Variants in BICRA observed in about 807,000 individuals in gnomAD.
BICRA encodes BRD4-interacting chromatin-remodeling complex-associated protein.
A neutral mutation model predicts 96.9 loss-of-function variants in BICRA; 31 were observed. The observed-to-expected ratio is 0.32, with a 90% confidence interval of 0.24 to 0.43. BICRA has a LOEUF of 0.43. Ranked by LOEUF, BICRA falls within the 20% of genes least tolerant of loss-of-function variation. The pLI is 1.00. For missense variants in BICRA, 2,283 were observed against 2,190.3 expected, an observed-to-expected ratio of 1.04 and a Z score of -0.84; for synonymous variants, 1,350 against 1,071.8, an observed-to-expected ratio of 1.26 and a Z score of -5.07.
intron 1 of BICRA, among the ~76,000 whole-genome samples, chr19:47,645,340 A>G (rs1386897058): frequency 6.6e-6 from 1 of 152,168 alleles, no homozygotes; most frequent in Non-Finnish European, 1.5e-5. Context: ...GATCCAGGCT[A>G]CGCATCGCTG....
At chr19:47,666,298 T>TTTTTCTTTTTCTTC (rs1972778559) in intron 1 of BICRA, among the ~76,000 whole-genome samples, 1 of 11,766 alleles carries the variant, frequency 8.5e-5, no homozygotes, top group Non-Finnish European at 1.4e-4. Context: ...CTTTTTCTTC[T>TTTTTCTTTTTCTTC]TTTTTTTTTT....
intron 1 of BICRA, among the ~76,000 whole-genome samples, chr19:47,668,574 G>A (rs911465310): frequency 1.4e-5 from 2 of 145,236 alleles, no homozygotes; most frequent in Non-Finnish European, 3.0e-5. Context: ...TGCAAGCTCC[G>A]CCTCCTGTGT....
Position 47,681,024 on chromosome 19 carries a change from C to T in BICRA, c.1854C>T (p.Val618=). ...CTGCCACCGGGGAGGCCGCGCCTGT[C>T]CTCACGGTGCAGCCTGCCCCCCAGG... The part of the protein sequence containing the change: ...PAAATGEAAP[V]LTVQPAPQAP... The change falls in exon 6 of 15, where the codon GTC becomes GTT. Residue 618 remains valine, a synonymous_variant. Transcript: ENST00000594866. The T allele has an allele frequency of 6.9e-7, 1 of 1,442,728 alleles. No individual in the cohort carries two copies. The highest frequency in any genetic ancestry group is 9.0e-7 in the Non-Finnish European group (1 of 1,106,924). The allele number at this position is 1,442,728 out of a possible 1,614,324, so 89.4% of individuals were successfully genotyped here.
intron 7 of BICRA, among the ~76,000 whole-genome samples, chr19:47,686,433 G>C (rs1203024350): frequency 6.6e-6 from 1 of 151,880 alleles, no homozygotes; most frequent in Non-Finnish European, 1.5e-5. Flanking sequence ...GCCCAGGCTG[G>C]AGTGTAGTGG....
intron 1 of BICRA, among the ~76,000 whole-genome samples, chr19:47,647,780 G>A (rs921829454): frequency 1.3e-5 from 2 of 152,034 alleles, no homozygotes; most frequent in African/African-American, 2.4e-5. Flanking sequence ...CAAGATGTCC[G>A]CATCGTTAGT....
intron 14 of BICRA, chr19:47,700,511 G>GT (rs1223961029): frequency 2.6e-5 from 4 of 152,202 alleles, no homozygotes; most frequent in African/African-American, 9.7e-5. Flanking sequence ...ATAACCTCAT[G>GT]TAGCCGGGTG....
Position 47,612,611 on chromosome 19 carries a change from TAGGGGCTGGGGGGCTGAGGGAG to T in BICRA, c.-108+3461_-108+3482del, listed in dbSNP as rs1337971655. On this transcript the variant is annotated intron_variant, in intron 1 of 14. Transcript: ENST00000594866. The stretch of plus-strand genomic sequence containing the variant: ...CCCATGCGGAATACATGCTTAGCTG[TAGGGGCTGGGGGGCTGAGGGAG>T]AGGGGCTGGGGGGCTGACGGAGAGG... Among the ~76,000 whole-genome samples, 66 of 151,342 alleles carry T rather than the reference TAGGGGCTGGGGGGCTGAGGGAG, an allele frequency of 4.4e-4. 1 individual carries two copies. In the South Asian group the frequency reaches 8.4e-3, roughly 19 times the overall value.
chr19:47,663,744 C>T (rs1163228144), intron 1 of BICRA: 57 of 152,014 alleles, frequency 3.7e-4, no homozygotes, highest in Admixed American at 3.7e-3. Flanking sequence ...TATTTTAAGG[C>T]TATTTTGACC....
rs1973393456 is a variant in BICRA at position 47,698,924 on chromosome 19, C to G, written c.3398-41C>G. On this transcript the variant is annotated intron_variant, in intron 12 of 14. Transcript: ENST00000594866. The surrounding 1 kb of genome is among the most constrained non-coding windows in gnomAD (Gnocchi z 4.8). ...CTCCTTCCTGCGCATCCGCGGCCGCCCCCAACATCTCCGCCCTTGCCTCTC... is the reference window on the plus strand; with the variant it reads ...CTCCTTCCTGCGCATCCGCGGCCGCGCCCAACATCTCCGCCCTTGCCTCTC... 5 of 1,478,308 alleles carry G rather than the reference C, an allele frequency of 3.4e-6. No individual in the cohort carries two copies. The East Asian group carries it at 9.8e-5, about 29-fold the overall frequency. 91.6% of individuals were successfully genotyped at this position (1,478,308 alleles called of 1,614,324 possible).
At position 47,702,636 on chromosome 19, in the gene BICRA, C is replaced by A. The variant is rs925566034; in HGVS notation, c.*221C>A. 2 of 537,970 alleles carry A rather than the reference C, an allele frequency of 3.7e-6. No individual in the cohort carries two copies. The highest frequency in any genetic ancestry group is 8.5e-5 in the Admixed American group (2 of 23,640). 33.3% of individuals were successfully genotyped at this position (537,970 alleles called of 1,614,324 possible). On this transcript the variant is annotated 3_prime_UTR_variant, in exon 15 of 15. Coordinates refer to ENST00000594866, the MANE Select transcript of BICRA (RefSeq NM_001394372.1). ...GAGGGGGCTGTGATGTAAAACGTCTCCCCTGCCAAAGGAGGGGCAAAGTGC... is the reference window on the plus strand; with the variant it reads ...GAGGGGGCTGTGATGTAAAACGTCTACCCTGCCAAAGGAGGGGCAAAGTGC...
intron 5 of BICRA, among the ~76,000 whole-genome samples, chr19:47,676,829 A>G (rs990108112): frequency 6.6e-6 from 1 of 151,758 alleles, no homozygotes; most frequent in African/African-American, 2.4e-5. Flanking sequence ...CTATTTTGTG[A>G]TCACACTTCT....
At chr19:47,650,657 A>G (rs1972527650) in intron 1 of BICRA, among the ~76,000 whole-genome samples, 1 of 152,202 alleles carries the variant, frequency 6.6e-6, no homozygotes, top group African/African-American at 2.4e-5. Flanking sequence ...GTTCTTGCCC[A>G]TAGCTGCCAC....
chr19:47,645,271 G>C (rs1972442438), intron 1 of BICRA, among the ~76,000 whole-genome samples: 2 of 152,146 alleles, frequency 1.3e-5, no homozygotes, highest in African/African-American at 4.8e-5. Context: ...AAGGGTCCAG[G>C]CCAGTTATTG....
In BICRA at chr19:47,679,924, C is replaced by G. The variant is rs1234066992; in HGVS notation, c.754C>G (p.Leu252Val). 1 of 1,518,582 alleles carries G rather than the reference C, an allele frequency of 6.6e-7. No individual in the cohort carries two copies. Among genetic ancestry groups the G allele is most frequent in the Admixed American group, 2.1e-5 (1 of 48,512 alleles). 94.1% of individuals were successfully genotyped at this position (1,518,582 alleles called of 1,614,324 possible). Reference sequence around the variant, plus strand: ...GGCGCTCAACACGCCCACCTCCCAGCTCCTGGCCAAGCAGGTGCCCGTCAG... The same window carrying G: ...GGCGCTCAACACGCCCACCTCCCAGGTCCTGGCCAAGCAGGTGCCCGTCAG... ...VMALNTPTSQ[L>V]LAKQVPVSGY... The change falls in exon 6 of 15, where the codon CTC becomes GTC. Residue 252 changes from leucine (L) to valine (V), a missense_variant. Coordinates refer to ENST00000594866, the MANE Select transcript of BICRA (RefSeq NM_001394372.1).
At chr19:47,635,328 A>G (rs568625373) in intron 1 of BICRA, among the ~76,000 whole-genome samples, 20 of 151,332 alleles carry the variant, frequency 1.3e-4, no homozygotes, top group Non-Finnish European at 2.7e-4. Context: ...GCTCACTGCA[A>G]CCTCCGCCTC....
At position 47,633,131 on chromosome 19, in the gene BICRA, A is replaced by T. The variant is rs527742760; in HGVS notation, c.-108+23963A>T. Among the ~76,000 whole-genome samples the T allele has an allele frequency of 1.7e-3, 216 of 126,154 alleles. 4 individuals are homozygous for T. In the Admixed American group the frequency reaches 0.019, roughly 11 times the overall value. The allele number at this position is 126,154 out of a possible 152,430, so 82.8% of individuals were successfully genotyped here. A position where few individuals can be genotyped will look rare whatever the true frequency, so the allele number is the denominator to read the frequency against. On this transcript the variant is annotated intron_variant, in intron 1 of 14. Coordinates refer to ENST00000594866, the MANE Select transcript of BICRA (RefSeq NM_001394372.1). Reference sequence around the variant, plus strand: ...AGTCTCACTCTGTCACCCAGGCCGGAGTGTGGTGGTGCGATCTCAGCTCAC... The same window carrying T: ...AGTCTCACTCTGTCACCCAGGCCGGTGTGTGGTGGTGCGATCTCAGCTCAC...
In BICRA at chr19:47,658,910, C is replaced by T. The variant is rs577757014; in HGVS notation, c.-107-11533C>T. ...CGAAGCCTGCTTCGTTGCCTGATGACGTGTGAGTCCCTGTGTCCGGTGAAC... is the reference window on the plus strand; with the variant it reads ...CGAAGCCTGCTTCGTTGCCTGATGATGTGTGAGTCCCTGTGTCCGGTGAAC... On this transcript the variant is annotated intron_variant, in intron 1 of 14. Coordinates refer to ENST00000594866, the MANE Select transcript of BICRA (RefSeq NM_001394372.1). 3.3e-4 allele frequency among the ~76,000 whole-genome samples: 50 copies of T among 152,252 alleles called. No individual in the cohort carries two copies. The East Asian group carries it at 7.7e-3, about 23-fold the overall frequency.
chr19:47,695,375 T>A lies in BICRA; in HGVS notation c.3087T>A (p.Pro1029=). The stretch of plus-strand genomic sequence containing the variant: ...CCCACCCACCCCCAGGCCTCCCTCC[T>A]CTGCTTCCAGCCGAGAACAAGGCTT... ...PAPMAATGLP[P]LLPAENKAFA... is the part of the protein sequence containing the mutation. The change falls in exon 10 of 15, where the codon CCT becomes CCA. Residue 1029 remains proline, a synonymous_variant. Transcript: ENST00000594866. 1 of 740,470 alleles carries A rather than the reference T, an allele frequency of 1.4e-6. No homozygotes were observed. Among genetic ancestry groups the A allele is most frequent in the Non-Finnish European group, 1.9e-6 (1 of 539,878 alleles). 45.9% of individuals were successfully genotyped at this position (740,470 alleles called of 1,614,324 possible).
intron 1 of BICRA, among the ~76,000 whole-genome samples, chr19:47,644,560 G>A (rs1429630308): frequency 6.7e-6 from 1 of 150,310 alleles, no homozygotes; most frequent in Non-Finnish European, 1.5e-5. Context: ...GAGTGCAGTG[G>A]CACACTCTCA....
Sources: gnomAD v4.1 joint callset for allele counts (sites outside exome capture counted in the v4.1 genomes callset) on GRCh38, gnomAD v4.1.1 for gene constraint, Gnocchi (gnomAD v3.1) non-coding constraint, MANE v1.5 for transcripts, NCBI Gene and HGNC (gene_info 2026-07-23, HGNC 2026-07-21) for gene names.